The following CFAP161 variants were observed in gnomAD, a reference collection of about 807,000 sequenced individuals.
The protein encoded by CFAP161 is cilia- and flagella-associated protein 161.
A neutral mutation model predicts 29.0 loss-of-function variants in CFAP161; 25 were observed. The ratio of observed to expected loss-of-function variants is 0.86; its 90% CI spans 0.63 to 1.20. CFAP161 has a LOEUF of 1.20. Among genes scored for constraint, CFAP161 ranks in the 50% most tolerant of loss-of-function variants. The pLI is 0.00. For synonymous variants in CFAP161, 116 were observed against 137.4 expected, an observed-to-expected ratio of 0.84 and a Z score of 1.09; for missense variants, 367 against 371.9, an observed-to-expected ratio of 0.99 and a Z score of 0.11.
chr15:81,125,708 A>T (rs182163910), intron 1 of CFAP161, among the ~76,000 whole-genome samples: 1 of 152,200 alleles, frequency 6.6e-6, no homozygotes, highest in Non-Finnish European at 1.5e-5. Context: ...GACCAACGAC[A>T]TCAGATTTTA....
intron 1 of CFAP161, among the ~76,000 whole-genome samples, chr15:81,105,185 T>TCCGTCCCTCCC (rs1894354758): frequency 1.8e-5 from 1 of 55,404 alleles, no homozygotes; most frequent in Non-Finnish European, 3.5e-5. Flanking sequence ...CCCTTCCTTT[T>TCCGTCCCTCCC]TTCCTCCCTC....
intron 1 of CFAP161, among the ~76,000 whole-genome samples, chr15:81,116,973 G>T (rs937676390): frequency 1.3e-5 from 2 of 152,080 alleles, no homozygotes; most frequent in Admixed American, 1.3e-4. Context: ...TCTCTGCACT[G>T]ATCACTTAGG....
At chr15:81,105,265 C>T (rs1257145566) in intron 1 of CFAP161, among the ~76,000 whole-genome samples, 2 of 112,976 alleles carry the variant, frequency 1.8e-5, no homozygotes, top group Non-Finnish European at 3.5e-5. Context: ...TCCTCTTTCT[C>T]TTTCTTTCTT....
chr15:81,118,361 T>C, intron 1 of CFAP161: 1 of 295,244 alleles, frequency 3.4e-6, no homozygotes, highest in Non-Finnish European at 6.5e-6. Flanking sequence ...CACTCTTACA[T>C]CTCAGCTGAA....
intron 1 of CFAP161, among the ~76,000 whole-genome samples, chr15:81,109,340 G>C (rs534609206): frequency 2.0e-5 from 3 of 152,292 alleles, no homozygotes; most frequent in African/African-American, 7.2e-5. Context: ...TTCATCTCCT[G>C]TTGCAGTTCT....
chr15:81,100,951 C>A (rs1894297151), intron 1 of CFAP161, among the ~76,000 whole-genome samples: 1 of 152,280 alleles, frequency 6.6e-6, no homozygotes, highest in African/African-American at 2.4e-5. Flanking sequence ...GTCTGTGTTA[C>A]TAGTTCAATA....
Position 81,105,090 on chromosome 15 carries a change from T to TTCCCTCCCTCCCTCCC in CFAP161, c.-141-22498_-141-22483dup, listed in dbSNP as rs1157434749. ...CTCAATTTTTTGTCTTTCTTTTCTT[T>TTCCCTCCCTCCCTCCC]TCCCTCCCTCCCTCCCTTCCTTTCT... On this transcript the variant is annotated intron_variant, in intron 1 of 4. Transcript: ENST00000560091. Among the ~76,000 whole-genome samples the TTCCCTCCCTCCCTCCC allele has an allele frequency of 1.1e-4, 5 of 46,390 alleles. 1 individual carries two copies. The highest frequency in any genetic ancestry group is 1.6e-4 in the African/African-American group (3 of 18,250). 30.4% of individuals were successfully genotyped at this position (46,390 alleles called of 152,430 possible).
upstream of CFAP161, among the ~76,000 whole-genome samples, chr15:81,133,493 A>G (rs1894752154): frequency 1.3e-5 from 2 of 152,112 alleles, no homozygotes; most frequent in South Asian, 4.1e-4. Context: ...GTCTTACTAG[A>G]CACTAAATAG....
Position 81,134,343 on chromosome 15 carries a change from T to C in CFAP161, c.14T>C (p.Val5Ala). MAQN[V>A]YGPGVRIGNW... ...CAGCAGGGAGCGATGGCGCAGAACGTGTATGGTCCGGGAGTCCGGATAGGC... is the reference window on the plus strand; with the variant it reads ...CAGCAGGGAGCGATGGCGCAGAACGCGTATGGTCCGGGAGTCCGGATAGGC... The change falls in exon 1 of 7, where the codon GTG becomes GCG. Residue 5 changes from valine to alanine, a missense_variant. Physicochemically the swap from Val to Ala is moderately conservative, Grantham distance 64. Coordinates refer to ENST00000286732, the MANE Select transcript of CFAP161 (RefSeq NM_173528.4). 1.3e-6 allele frequency: 2 copies of C among 1,589,878 alleles called. No individual in the cohort carries two copies. The highest frequency in any genetic ancestry group is 3.6e-5 in the Admixed American group (2 of 55,022).
chr15:81,132,528 G>A (rs562835053), upstream of CFAP161, among the ~76,000 whole-genome samples: 1 of 152,206 alleles, frequency 6.6e-6, no homozygotes, highest in African/African-American at 2.4e-5. Context: ...CACCAATAAA[G>A]ATATTTCTTC....
upstream of CFAP161, among the ~76,000 whole-genome samples, chr15:81,133,205 ATATATATATATATATATATGTATTTT>A (rs1213197801): frequency 1.9e-4 from 10 of 52,970 alleles, no homozygotes; most frequent in Non-Finnish European, 3.1e-4. Flanking sequence ...ATATATATAT[ATATATATATATATATATATGTATTTT>A]TTTTTAAATT....
Position 81,121,269 on chromosome 15 carries a change from A to T in CFAP161, c.-141-6321A>T, listed in dbSNP as rs116616819. 2.1e-3 allele frequency among the ~76,000 whole-genome samples: 317 copies of T among 152,276 alleles called. 2 individuals are homozygous for T. Among genetic ancestry groups the T allele is most frequent in the African/African-American group, 7.1e-3 (296 of 41,578 alleles). The stretch of plus-strand genomic sequence containing the variant: ...TTTAGGACAAAATTTACCATGCAAG[A>T]TTCTTTCTTATTCAAAATTATTCTC... On this transcript the variant is annotated intron_variant, in intron 1 of 4. Coordinates refer to the CFAP161 transcript ENST00000560091.
At chr15:81,134,589 G>T (rs890844528) in intron 1 of CFAP161, among the ~76,000 whole-genome samples, 191 bp downstream of exon 1, 1 of 152,116 alleles carries the variant, frequency 6.6e-6, no homozygotes, top group African/African-American at 2.4e-5. Flanking sequence ...AGGTCTCACT[G>T]ACCTCTACTC....
At chr15:81,106,699 C>G (rs539073054) in intron 1 of CFAP161, among the ~76,000 whole-genome samples, 1 of 152,178 alleles carries the variant, frequency 6.6e-6, no homozygotes, top group Non-Finnish European at 1.5e-5. Flanking sequence ...AAATTAAACA[C>G]GCTCTTTCAA....
chr15:81,115,896 C>G (rs144213886), intron 1 of CFAP161, among the ~76,000 whole-genome samples: 1 of 148,928 alleles, frequency 6.7e-6, no homozygotes, highest in East Asian at 2.0e-4. Context: ...CTATGTTGCC[C>G]AGGCTGATTG....
intron 2 of CFAP161, 30 bp from the exon 3 acceptor site, chr15:81,136,486 T>A: frequency 1.3e-6 from 2 of 1,597,956 alleles, no homozygotes; most frequent in Non-Finnish European, 1.7e-6. Context: ...ATTGCATGGT[T>A]TATGTAATAA....
chr15:81,110,113 G>A (rs1595909018), intron 1 of CFAP161, among the ~76,000 whole-genome samples: 1 of 151,900 alleles, frequency 6.6e-6, no homozygotes, highest in South Asian at 2.1e-4. Context: ...TTCAGTACAG[G>A]TTAGTGTGAG....
chr15:81,147,901 G>A lies in CFAP161; in HGVS notation c.680G>A (p.Gly227Glu). 1 of 1,611,846 alleles carries A rather than the reference G, an allele frequency of 6.2e-7. No individual in the cohort carries two copies. Among genetic ancestry groups the A allele is most frequent in the Non-Finnish European group, 8.5e-7 (1 of 1,179,124 alleles). The stretch of plus-strand genomic sequence containing the variant: ...ATCAATCACTGTCACACAAATCGGG[G>A]ACTGGCAGCCCACCGGCATCTTTTC... ...ILINHCHTNR[G>E]LAAHRHLFLS... is the part of the protein sequence containing the mutation. Residue 227 changes from glycine to glutamate, a missense_variant, in exon 6 of 7, where the codon GGA becomes GAA. Gly to Glu is a moderately conservative substitution (Grantham distance 98). Coordinates refer to ENST00000286732, the MANE Select transcript of CFAP161 (RefSeq NM_173528.4).
chr15:81,129,817 A>G (rs1894686064), upstream of CFAP161, among the ~76,000 whole-genome samples: 1 of 142,984 alleles, frequency 7.0e-6, no homozygotes, highest in Admixed American at 6.8e-5. Flanking sequence ...AAAATCAGGC[A>G]TTAACTTTTT....
Sources: allele counts gnomAD v4.1 joint callset (sites outside exome capture counted in the v4.1 genomes callset), GRCh38; gene constraint gnomAD v4.1.1; transcripts MANE v1.5; gene names NCBI Gene and HGNC (gene_info 2026-07-23, HGNC 2026-07-21).